The following ADK variants were observed in gnomAD, a reference collection of about 807,000 sequenced individuals.
ADK encodes N6,N6-dimethyladenosine kinase.
Under a neutral mutation model 44.7 loss-of-function variants are expected in ADK, and 24 were observed. The ratio of observed to expected loss-of-function variants is 0.54; its 90% confidence interval spans 0.39 to 0.76. The LOEUF (loss-of-function observed/expected upper bound fraction) is 0.76. Among genes scored for constraint, ADK ranks in the 30% least tolerant of loss-of-function variants. The probability of loss-of-function intolerance (pLI) is 0.00; values close to 1 mark genes in which losing one functional copy is unlikely to be tolerated. For synonymous variants in ADK, 128 were observed against 142.6 expected, an observed-to-expected ratio of 0.90 and a Z score of 0.73; for missense variants, 321 against 425.1, an observed-to-expected ratio of 0.76 and a Z score of 2.15.
At chr10:74,423,055 G>A (rs563541499) in intron 6 of ADK, among the ~76,000 whole-genome samples, 1 of 152,240 alleles carries the variant, frequency 6.6e-6, no homozygotes, top group Admixed American at 6.5e-5. Flanking sequence ...AGTCTGTTCC[G>A]CAAGAGGGAA....
chr10:74,160,690 GGTGTGTGTGT>G (rs779393232), intron 1 of ADK, among the ~76,000 whole-genome samples: 10 of 136,234 alleles, frequency 7.3e-5, no homozygotes, highest in South Asian at 2.3e-4. Context: ...TGCAGGTAGG[GGTGTGTGTGT>G]GTGTGTGTGT....
intron 6 of ADK, among the ~76,000 whole-genome samples, chr10:74,403,590 A>C (rs886325432): frequency 6.6e-6 from 1 of 152,184 alleles, no homozygotes; most frequent in South Asian, 2.1e-4. Flanking sequence ...TGCTAAGGCC[A>C]TTGGAAAAGC....
chr10:74,529,927 C>T (rs565553960), intron 7 of ADK, among the ~76,000 whole-genome samples: 3 of 152,138 alleles, frequency 2.0e-5, no homozygotes, highest in South Asian at 2.1e-4. Flanking sequence ...TCTAGGGGTA[C>T]GCCTCAGTGT....
chr10:74,423,857 C>T (rs1373631587), intron 6 of ADK: 1 of 280,092 alleles, frequency 3.6e-6, no homozygotes, highest in Non-Finnish European at 7.2e-6. Flanking sequence ...TCTAAGCAGA[C>T]AGTCTGTGTA....
At chr10:74,391,263 C>T (rs7917666) in intron 4 of ADK, among the ~76,000 whole-genome samples, 98,411 of 151,754 alleles carry the variant, frequency 0.65, 33,144 homozygotes, top group Middle Eastern at 0.8. Context: ...TCTTGTTATA[C>T]TCAACTTCAT....
intron 10 of ADK, among the ~76,000 whole-genome samples, chr10:74,675,106 C>G (rs1373829651): frequency 9.9e-5 from 15 of 152,054 alleles, no homozygotes; most frequent in Admixed American, 7.9e-4. Flanking sequence ...GTATTTCTGT[C>G]TTTTGTGACT....
At chr10:74,266,556 A>C (rs1202867749) in intron 3 of ADK, among the ~76,000 whole-genome samples, 1 of 152,034 alleles carries the variant, frequency 6.6e-6, no homozygotes, top group African/African-American at 2.4e-5. Flanking sequence ...ACTCTGCTTC[A>C]AAAAAAAGAA....
chr10:74,473,677 C>T (rs564216979), intron 6 of ADK, among the ~76,000 whole-genome samples: 2 of 152,328 alleles, frequency 1.3e-5, no homozygotes, highest in Admixed American at 1.3e-4. Flanking sequence ...CAATGTATCA[C>T]ATCAAGGTGT....
At chr10:74,574,552 A>T (rs1049829147) in intron 7 of ADK, among the ~76,000 whole-genome samples, 2 of 152,206 alleles carry the variant, frequency 1.3e-5, no homozygotes, top group African/African-American at 4.8e-5. Context: ...AGTATCTACC[A>T]GTAATGTCTG....
chr10:74,321,289 CT>C (rs937727581), intron 4 of ADK, among the ~76,000 whole-genome samples: 1 of 149,304 alleles, frequency 6.7e-6, no homozygotes, highest in Non-Finnish European at 1.5e-5. Context: ...ATTTTTTTTT[CT>C]TTTTTTAATT....
In ADK at chr10:74,589,375, A is replaced by C. The variant is rs1424845184; in HGVS notation, c.762+58A>C. 1.9e-6 allele frequency: 3 copies of C among 1,562,004 alleles called. No homozygotes were observed. The African/African-American group carries it at 4.1e-5, about 21-fold the overall frequency. On this transcript the variant is annotated intron_variant, in intron 8 of 10. Transcript: ENST00000539909. Reference sequence around the variant, plus strand: ...TCCTAAAGGTTTTTTCTAGCTGATAATGAAGTTCTTTTGGACAGTGATTGA... The same window carrying C: ...TCCTAAAGGTTTTTTCTAGCTGATACTGAAGTTCTTTTGGACAGTGATTGA...
intron 2 of ADK, among the ~76,000 whole-genome samples, chr10:74,205,520 A>G (rs1843560088): frequency 6.6e-6 from 1 of 152,006 alleles, no homozygotes; most frequent in Non-Finnish European, 1.5e-5. Context: ...TATTAAAAAT[A>G]CAAAAATTAA....
At chr10:74,296,210 A>C (rs941601149) in intron 3 of ADK, among the ~76,000 whole-genome samples, 49 of 152,120 alleles carry the variant, frequency 3.2e-4, no homozygotes, top group African/African-American at 1.2e-3. Flanking sequence ...AGAAGTTTGC[A>C]TAAAGTCAGA....
At chr10:74,437,427 A>G (rs951236627) in intron 6 of ADK, among the ~76,000 whole-genome samples, 5 of 152,140 alleles carry the variant, frequency 3.3e-5, no homozygotes, top group African/African-American at 9.7e-5. Context: ...TACAGTGTCA[A>G]TCCTGTTTCT....
intron 6 of ADK, among the ~76,000 whole-genome samples, chr10:74,446,994 C>T (rs1845610890): frequency 6.6e-6 from 1 of 152,014 alleles, no homozygotes; most frequent in African/African-American, 2.4e-5. Context: ...ATTTTGATAT[C>T]TGCTGTACTA....
intron 1 of ADK, among the ~76,000 whole-genome samples, chr10:74,168,144 TA>T (rs1315285803): frequency 6.6e-6 from 1 of 152,250 alleles, no homozygotes; most frequent in Non-Finnish European, 1.5e-5. Context: ...ATGTAAGTTC[TA>T]AAAGGGCAGC....
intron 9 of ADK, among the ~76,000 whole-genome samples, chr10:74,608,193 C>T (rs749735084): frequency 1.3e-5 from 2 of 151,534 alleles, no homozygotes; most frequent in African/African-American, 2.4e-5. Context: ...TTTAGCTCGG[C>T]GGAATTTGTT....
At position 74,585,601 on chromosome 10, in the gene ADK, C is replaced by T. The variant is rs143333048; in HGVS notation, c.727-3681C>T. On this transcript the variant is annotated intron_variant, in intron 7 of 10. Coordinates refer to ENST00000539909, the MANE Select transcript of ADK (RefSeq NM_006721.4). ...CAGGGGAGCAGGAAAGCCTCTGTGT[C>T]GGTTGTTTATTTCCTTAATCCCTCC... Among the ~76,000 whole-genome samples the T allele has an allele frequency of 8.5e-5, 13 of 152,234 alleles. No homozygotes were observed. The East Asian group carries it at 2.3e-3, about 27-fold the overall frequency.
intron 4 of ADK, among the ~76,000 whole-genome samples, chr10:74,331,419 G>T (rs1841214018): frequency 2.0e-5 from 3 of 152,116 alleles, no homozygotes; most frequent in African/African-American, 7.2e-5. Context: ...ATTTAATCAT[G>T]TTTTCCAGAA....
Sources: allele counts gnomAD v4.1 joint callset (sites outside exome capture counted in the v4.1 genomes callset), GRCh38; gene constraint gnomAD v4.1.1; transcripts MANE v1.5; gene names NCBI Gene and HGNC (gene_info 2026-07-23, HGNC 2026-07-21).